SHTN1: variants seen among roughly 807,000 people sequenced by gnomAD.
SHTN1 encodes the protein shootin-1.
A neutral mutation model predicts 83.1 loss-of-function variants in SHTN1; 42 were observed. The observed-to-expected ratio is 0.51, with a 90% CI of 0.39 to 0.65. SHTN1 has a LOEUF of 0.65. SHTN1 is among the 30% of genes least tolerant of loss of function. The pLI, the probability that SHTN1 is intolerant of heterozygous loss-of-function variation, is 0.00. For missense variants in SHTN1, 622 were observed against 737.8 expected, an observed-to-expected ratio of 0.84 and a Z score of 1.82; for synonymous variants, 224 against 247.7, an observed-to-expected ratio of 0.90 and a Z score of 0.90.
chr10:117,049,167 T>C (rs1032742312), intron 1 of SHTN1, among the ~76,000 whole-genome samples: 1 of 152,096 alleles, frequency 6.6e-6, no homozygotes, highest in Non-Finnish European at 1.5e-5. Flanking sequence ...GACAGAGATG[T>C]TTGCAGTCAT....
Position 116,911,228 on chromosome 10 carries a change from T to C in SHTN1, c.1359+562A>G, listed in dbSNP as rs576664308. Among the ~76,000 whole-genome samples, 13 of 152,172 alleles carry C rather than the reference T, an allele frequency of 8.5e-5. No homozygotes were observed. The East Asian group carries it at 1.2e-3, about 14-fold the overall frequency. On this transcript the variant is annotated intron_variant, in intron 14 of 16. Transcript: ENST00000355371. The stretch of plus-strand genomic sequence containing the variant: ...GCTCACAGTTTGAAAAGCAAAAATA[T>C]GACTAGGAAGGGACACAAAGTATGC...
At chr10:116,954,939 T>C (rs1239105898) in intron 4 of SHTN1, among the ~76,000 whole-genome samples, 1 of 152,080 alleles carries the variant, frequency 6.6e-6, no homozygotes, top group East Asian at 1.9e-4. Context: ...CCCACCAGAC[T>C]CAAGCCCCAG....
intron 2 of SHTN1, among the ~76,000 whole-genome samples, chr10:116,969,265 A>G (rs2133459090): frequency 6.6e-6 from 1 of 152,274 alleles, no homozygotes; most frequent in East Asian, 1.9e-4. Context: ...ACATGGTGAA[A>G]CACCATCTCT....
In SHTN1 at chr10:116,951,979, T is replaced by A. The variant is rs779079783; in HGVS notation, c.464A>T (p.Gln155Leu). The change falls in exon 6 of 17, where the codon CAG (glutamine) becomes CTG (leucine). Residue 155 changes from glutamine (Q) to leucine (L), a missense_variant. Physicochemically the swap from Gln to Leu is moderately radical, Grantham distance 113 (BLOSUM62 -2). Coordinates refer to ENST00000355371, the MANE Select transcript of SHTN1 (RefSeq NM_001127211.3). Reference protein sequence around the residue: ...KELRDQIVSVQEEKKILAIEL... With the variant: ...KELRDQIVSVLEEKKILAIEL... ...AATGGCTAAAATCTTCTTTTCCTCC[T>A]GAACAGATACAATTTGATCTCGAAG... is the stretch of plus-strand genomic sequence containing the variant. 6.4e-7 allele frequency: 1 copy of A among 1,569,988 alleles called. No individual in the cohort carries two copies. The highest frequency in any genetic ancestry group is 8.7e-7 in the Non-Finnish European group (1 of 1,154,818).
chr10:116,960,088 A>G (rs1850130543), intron 4 of SHTN1, 48 bp downstream of exon 4: 3 of 1,138,446 alleles, frequency 2.6e-6, no homozygotes, highest in Non-Finnish European at 4.0e-6. Context: ...TAGAAAAGCA[A>G]GTTGAAATTT....
At chr10:116,967,554 C>T (rs1850440988) in intron 3 of SHTN1, among the ~76,000 whole-genome samples, 1 of 152,154 alleles carries the variant, frequency 6.6e-6, no homozygotes, top group Non-Finnish European at 1.5e-5. Context: ...GCAGACATAT[C>T]CATTGCCTCC....
chr10:117,081,911 T>G (rs1462031502), intron 1 of SHTN1, among the ~76,000 whole-genome samples: 1 of 151,266 alleles, frequency 6.6e-6, no homozygotes, highest in South Asian at 2.1e-4. Context: ...TTGCGTCTAT[T>G]TGATTCTTCT....
chr10:117,000,143 A>G (rs1267333437), intron 1 of SHTN1, among the ~76,000 whole-genome samples: 2 of 152,038 alleles, frequency 1.3e-5, no homozygotes, highest in Admixed American at 1.3e-4. Context: ...CTGATGTAAA[A>G]CCAAGTTTGC....
At position 116,979,282 on chromosome 10, in the gene SHTN1, C is replaced by T; in HGVS notation, c.85G>A (p.Ala29Thr). 6.2e-7 allele frequency: 1 copy of T among 1,613,952 alleles called. No individual in the cohort carries two copies. The highest frequency in any genetic ancestry group is 1.1e-5 in the South Asian group (1 of 91,080). Residue 29 changes from alanine (A) to threonine (T), a missense_variant, in exon 2 of 17, where the codon GCA (alanine) becomes ACA (threonine). Physicochemically the swap from Ala to Thr is moderately conservative, Grantham distance 58 (BLOSUM62 0). This residue lies in a region of SHTN1 where 383 missense variants were observed against 455.8 expected (regional missense o/e 0.84). Coordinates refer to ENST00000355371, the MANE Select transcript of SHTN1 (RefSeq NM_001127211.3). The stretch of plus-strand genomic sequence containing the variant: ...TTCTCCTTTGTTTTCTGGTTCTCTG[C>T]TCTAAGGTCTTCATATTCGCCTATT... The part of the protein sequence containing the change: ...QAIGEYEDLR[A>T]ENQKTKEKCD...
chr10:117,040,297 A>C (rs1298654256), intron 2 of SHTN1, among the ~76,000 whole-genome samples: 1 of 152,234 alleles, frequency 6.6e-6, no homozygotes, highest in African/African-American at 2.4e-5. Flanking sequence ...AGGTATAGTA[A>C]TTAAGGAATT....
intron 1 of SHTN1, among the ~76,000 whole-genome samples, chr10:116,985,630 C>A (rs1449356116): frequency 6.6e-6 from 1 of 152,184 alleles, no homozygotes; most frequent in Non-Finnish European, 1.5e-5. Context: ...TCTTATACAT[C>A]ATATATTGTA....
At chr10:117,084,547 A>G (rs1409011914) in intron 1 of SHTN1, among the ~76,000 whole-genome samples, 13 of 152,156 alleles carry the variant, frequency 8.5e-5, no homozygotes, top group Non-Finnish European at 1.5e-4. Flanking sequence ...GGCCTCCTTG[A>G]GCTGTGGTGG....
At chr10:117,002,968 T>C (rs994077078) in intron 1 of SHTN1, among the ~76,000 whole-genome samples, 16 of 152,152 alleles carry the variant, frequency 1.1e-4, no homozygotes, top group African/African-American at 3.6e-4. Context: ...GCCACAAATA[T>C]AGAAATCCTT....
upstream of SHTN1, among the ~76,000 whole-genome samples, chr10:117,008,740 G>A (rs1314753285): frequency 6.6e-6 from 1 of 152,168 alleles, no homozygotes; most frequent in Non-Finnish European, 1.5e-5. Context: ...GCTGATAGGT[G>A]TGTGGTTAAT....
intron 15 of SHTN1, among the ~76,000 whole-genome samples, chr10:116,906,227 G>C (rs1418964652): frequency 6.6e-6 from 1 of 152,186 alleles, no homozygotes; most frequent in African/African-American, 2.4e-5. Flanking sequence ...AAGAAACTGA[G>C]GCACAAAGAG....
chr10:116,955,162 G>A (rs1849938344), intron 4 of SHTN1, among the ~76,000 whole-genome samples: 1 of 150,928 alleles, frequency 6.6e-6, no homozygotes, highest in Non-Finnish European at 1.5e-5. Context: ...CCCGGACAGG[G>A]AAATGAGTTG....
chr10:117,055,192 C>G (rs917350218), intron 1 of SHTN1, among the ~76,000 whole-genome samples: 3 of 152,138 alleles, frequency 2.0e-5, no homozygotes, highest in African/African-American at 4.8e-5. Flanking sequence ...GAAACCACCC[C>G]CATGATCCAA....
Position 116,968,632 on chromosome 10 carries a change from C to T in SHTN1, c.172+20G>A, listed in dbSNP as rs749805566. 1 of 1,574,800 alleles carries T rather than the reference C, an allele frequency of 6.4e-7. No individual in the cohort carries two copies. Among genetic ancestry groups the T allele is most frequent in the South Asian group, 1.1e-5 (1 of 89,430 alleles). ...ATAGGCTATATGTGTTATAATAATTCCACTGAAATGCTTACGTACTTTTCT... is the reference window on the plus strand; with the variant it reads ...ATAGGCTATATGTGTTATAATAATTTCACTGAAATGCTTACGTACTTTTCT... On this transcript the variant is annotated intron_variant, in intron 3 of 16. Coordinates refer to ENST00000355371, the MANE Select transcript of SHTN1 (RefSeq NM_001127211.3).
intron 3 of SHTN1, among the ~76,000 whole-genome samples, chr10:116,961,392 T>C (rs983091008): frequency 6.6e-6 from 1 of 152,070 alleles, no homozygotes; most frequent in African/African-American, 2.4e-5. Context: ...TTGACATTTT[T>C]TCAGGGGTAA....
Sources: allele counts gnomAD v4.1 joint callset (sites outside exome capture counted in the v4.1 genomes callset), GRCh38; gene constraint gnomAD v4.1.1; regional missense constraint gnomAD v4.1.1; transcripts MANE v1.5; gene names NCBI Gene and HGNC (gene_info 2026-07-23, HGNC 2026-07-21).